Variants in GNL3L observed in about 807,000 individuals in gnomAD.
GNL3L encodes the protein G protein nucleolar 3 like.
In GNL3L, 4 loss-of-function variants were observed where a neutral mutation model predicts 42.9. The ratio of observed to expected loss-of-function variants is 0.09; its 90% confidence interval spans 0.05 to 0.21. The LOEUF is 0.21. Among genes scored for constraint, GNL3L ranks in the 10% least tolerant of loss-of-function variants. GNL3L has a pLI of 1.00. For missense variants in GNL3L, 412 were observed against 481.7 expected (o/e 0.86, Z 1.36); for synonymous variants, 159 against 176.3 (o/e 0.90, Z 0.78).
At chrX:54,545,265 C>G in intron 8 of GNL3L, among the ~76,000 whole-genome samples, 1 of 111,918 alleles carries the variant, frequency 8.9e-6, no homozygotes, top group Non-Finnish European at 1.9e-5. Context: ...GTCACCCAGG[C>G]TAGAGTGCAG....
chrX:54,583,976 C>A (rs1239517596), intron 16 of GNL3L, among the ~76,000 whole-genome samples: 1 of 110,965 alleles, frequency 9.0e-6, no homozygotes, highest in Non-Finnish European at 1.9e-5. Context: ...AAAAACTCTA[C>A]AAAATTGAGT....
downstream of GNL3L, among the ~76,000 whole-genome samples, chrX:54,571,074 C>G (rs1278934288): frequency 9.0e-6 from 1 of 110,745 alleles, no homozygotes; most frequent in East Asian, 2.8e-4. Flanking sequence ...TTTTTGCCGT[C>G]ATCTTTGAAA....
At chrX:54,623,505 C>T (rs113915121), downstream of GNL3L, among the ~76,000 whole-genome samples, 1,239 of 111,918 alleles carry the variant, frequency 0.011, 16 homozygotes, top group African/African-American at 0.038. Flanking sequence ...CCTTGTGATC[C>T]GCCTGCCTCG....
chrX:54,555,244 C>T (rs1024767676), intron 14 of GNL3L, among the ~76,000 whole-genome samples: 1 of 110,199 alleles, frequency 9.1e-6, no homozygotes, highest in African/African-American at 3.3e-5. Context: ...GAACCCCTGA[C>T]CTCGGGTGAT....
At chrX:54,576,167 A>G (rs1925632378) in intron 16 of GNL3L, among the ~76,000 whole-genome samples, 2 of 111,629 alleles carry the variant, frequency 1.8e-5, no homozygotes, top group Admixed American at 1.9e-4. Flanking sequence ...TCTCCTTTCA[A>G]TTCTGTCAGT....
At chrX:54,548,187 C>T (rs754473465) in intron 8 of GNL3L, 42 bp from the exon 9 acceptor site, 1 of 1,152,331 alleles carries the variant, frequency 8.7e-7, no homozygotes, top group East Asian at 3.0e-5. Context: ...ACCTCATCTG[C>T]CACCTGATGT....
At position 54,566,044 on chromosome X, in the gene GNL3L, C is replaced by T. The variant is rs1234268095; in HGVS notation, c.*5442C>T. ...CCATGTTGGCAAGGCTGGTCTTGAA[C>T]TCTGGACCTCAAGTGATACACCCGT... On this transcript the variant is annotated 3_prime_UTR_variant, in exon 16 of 16. Coordinates refer to ENST00000360845, the MANE Select transcript of GNL3L (RefSeq NM_001184819.2). Among the ~76,000 whole-genome samples, 1 of 110,490 alleles carries T rather than the reference C, an allele frequency of 9.1e-6. No homozygotes were observed. The highest frequency in any genetic ancestry group is 1.9e-5 in the Non-Finnish European group (1 of 52,974).
chrX:54,636,261 A>G, the GNL3L span, among the ~76,000 whole-genome samples: 3 of 112,136 alleles, frequency 2.7e-5, no homozygotes, highest in East Asian at 5.6e-4. Flanking sequence ...CCCGCAGGAG[A>G]ATGTGGACTT....
chrX:54,603,908 G>A (rs1926029538), intron 16 of GNL3L, among the ~76,000 whole-genome samples: 1 of 111,203 alleles, frequency 9.0e-6, no homozygotes. Context: ...CTAGCACTTT[G>A]GGAGGCCAAG....
chrX:54,619,464 G>A (rs1476990092), intron 16 of GNL3L, among the ~76,000 whole-genome samples: 11 of 109,951 alleles, frequency 1.0e-4, no homozygotes, highest in African/African-American at 3.6e-4. Context: ...ATTAACTGCG[G>A]GAGTAGGAGT....
At chrX:54,622,587 G>A (rs1475375371), downstream of GNL3L, among the ~76,000 whole-genome samples, 1 of 110,146 alleles carries the variant, frequency 9.1e-6, no homozygotes. Flanking sequence ...ACCCGGCCGA[G>A]TTGCATGAGT....
chrX:54,534,624 G>A (rs1027930021), intron 2 of GNL3L, among the ~76,000 whole-genome samples: 3 of 111,627 alleles, frequency 2.7e-5, no homozygotes, highest in African/African-American at 9.8e-5. Flanking sequence ...GCTCAGAGAG[G>A]TTTTAAAAAA....
the GNL3L span, among the ~76,000 whole-genome samples, chrX:54,641,658 G>T: frequency 8.9e-6 from 1 of 111,988 alleles, no homozygotes; most frequent in African/African-American, 3.2e-5. Context: ...TACAGCACCT[G>T]ATCCAAGGCC....
At chrX:54,605,166 A>G (rs750024614) in intron 16 of GNL3L, among the ~76,000 whole-genome samples, 22 of 111,850 alleles carry the variant, frequency 2.0e-4, no homozygotes, top group Admixed American at 3.8e-4. Flanking sequence ...GGTGTGACCC[A>G]TTGAATAAAA....
intron 16 of GNL3L, among the ~76,000 whole-genome samples, chrX:54,585,972 A>T (rs1925777874): frequency 9.0e-6 from 1 of 111,235 alleles, no homozygotes; most frequent in Non-Finnish European, 1.9e-5. Flanking sequence ...TTTTCTGGGT[A>T]AGGGGCTTCA....
chrX:54,638,384 AAACATT>A, the GNL3L span, among the ~76,000 whole-genome samples: 2 of 112,215 alleles, frequency 1.8e-5, no homozygotes, highest in South Asian at 7.5e-4. Flanking sequence ...AGTGCTCAAT[AAACATT>A]AAGTATCATC....
intron 16 of GNL3L, among the ~76,000 whole-genome samples, chrX:54,591,592 CAA>C (rs56034612): frequency 2.2e-4 from 14 of 62,262 alleles, no homozygotes; most frequent in Admixed American, 1.9e-4. Flanking sequence ...GACTTTGTCT[CAA>C]AAAAAAAAAA....
chrX:54,608,641 A>G (rs1486854831), intron 16 of GNL3L, among the ~76,000 whole-genome samples: 1 of 111,867 alleles, frequency 8.9e-6, no homozygotes, highest in African/African-American at 3.3e-5. Flanking sequence ...CACTTAGAGT[A>G]ATAGTCTCCA....
In GNL3L at chrX:54,567,134, A is replaced by T. The variant is rs1163147519; in HGVS notation, c.*6532A>T. ...TACAAGGTATGAATCTATGCTTTTTAAAAAAATATGGTTACCCAATTTTTC... is the reference window on the plus strand; with the variant it reads ...TACAAGGTATGAATCTATGCTTTTTTAAAAAATATGGTTACCCAATTTTTC... On this transcript the variant is annotated 3_prime_UTR_variant, in exon 16 of 16. Coordinates refer to ENST00000360845, the MANE Select transcript of GNL3L (RefSeq NM_001184819.2). Among the ~76,000 whole-genome samples, 1 of 111,796 alleles carries T rather than the reference A, an allele frequency of 8.9e-6. No individual in the cohort carries two copies. The highest frequency in any genetic ancestry group is 9.6e-5 in the Admixed American group (1 of 10,442).
Sources: allele counts gnomAD v4.1 joint callset (sites outside exome capture counted in the v4.1 genomes callset), GRCh38; gene constraint gnomAD v4.1.1; transcripts MANE v1.5; gene names NCBI Gene and HGNC (gene_info 2026-07-23, HGNC 2026-07-21).